Variants in ATF7IP observed in about 807,000 individuals in gnomAD.
ATF7IP encodes activating transcription factor 7-interacting protein 1.
In ATF7IP, 23 loss-of-function variants were observed where a neutral mutation model predicts 106.4. The observed-to-expected ratio is 0.22, with a 90% confidence interval of 0.16 to 0.31. The LOEUF (loss-of-function observed/expected upper bound fraction) is 0.31. Ranked by LOEUF, ATF7IP falls within the 10% of genes least tolerant of loss-of-function variation. The pLI, the probability that ATF7IP is intolerant of heterozygous loss-of-function variation, is 1.00. For synonymous variants in ATF7IP, 542 were observed against 539.0 expected (o/e 1.01, Z -0.08); for missense variants, 1,334 against 1,524.3 (o/e 0.88, Z 2.08).
intron 1 of ATF7IP, among the ~76,000 whole-genome samples, chr12:14,422,478 A>C (rs1262369410): frequency 6.6e-6 from 1 of 152,190 alleles, no homozygotes; most frequent in Non-Finnish European, 1.5e-5. Context: ...GAGCTGTATA[A>C]TCATCACCAT....
chr12:14,368,018 T>C (rs1255014471), intron 1 of ATF7IP, among the ~76,000 whole-genome samples: 3 of 152,120 alleles, frequency 2.0e-5, no homozygotes, highest in Admixed American at 6.5e-5. Flanking sequence ...TTTAAAAATT[T>C]ATATGTAGTT....
intron 5 of ATF7IP, among the ~76,000 whole-genome samples, chr12:14,444,397 A>G (rs979203084): frequency 1.3e-5 from 2 of 152,078 alleles, no homozygotes; most frequent in East Asian, 1.9e-4. Flanking sequence ...TTTTGTAGAC[A>G]GAGTTATTTC....
rs757033934 is a variant in ATF7IP, at chr12:14,460,693, A to G, written c.2357A>G (p.His786Arg). ...TTACAGCCTTTGCCAGTGATTTTGC[A>G]TGTACCTGTTGCAGTATCCTCCCAG... Reference protein sequence around the residue: ...ISLQPLPVILHVPVAVSSQPQ... With the variant: ...ISLQPLPVILRVPVAVSSQPQ... The change falls in exon 9 of 15, where the codon CAT becomes CGT. Residue 786 changes from histidine (H) to arginine (R), a missense_variant. Physicochemically the swap from His to Arg is conservative, Grantham distance 29. Transcript: ENST00000261168. 5.0e-6 allele frequency: 8 copies of G among 1,614,096 alleles called. No homozygotes were observed. The highest frequency in any genetic ancestry group is 1.7e-5 in the Admixed American group (1 of 60,002).
At chr12:14,453,654 C>G (rs1003069403) in intron 6 of ATF7IP, among the ~76,000 whole-genome samples, 7 of 149,226 alleles carry the variant, frequency 4.7e-5, no homozygotes, top group Non-Finnish European at 1.0e-4. Context: ...GAAGGAGTTT[C>G]GCTCCTGTCG....
At chr12:14,471,009 ATGTAGTTCCTTGTCATTTCC>A (rs1944021733) in intron 10 of ATF7IP, among the ~76,000 whole-genome samples, 1 of 152,078 alleles carries the variant, frequency 6.6e-6, no homozygotes, top group East Asian at 1.9e-4. Context: ...TTTTTATTTC[ATGTAGTTCCTTGTCATTTCC>A]TTTTGGGTCC....
chr12:14,400,038 GC>G (rs540316329), intron 1 of ATF7IP, among the ~76,000 whole-genome samples: 109 of 151,942 alleles, frequency 7.2e-4, no homozygotes, highest in African/African-American at 2.3e-3. Context: ...TGTGACTGCT[GC>G]CCTGGTTTAG....
At chr12:14,480,591 CTT>C (rs1459152798) in intron 12 of ATF7IP, among the ~76,000 whole-genome samples, 2 of 152,142 alleles carry the variant, frequency 1.3e-5, no homozygotes, top group Admixed American at 6.5e-5. Flanking sequence ...CAAAAATACT[CTT>C]TTGGATTTAC....
chr12:14,378,892 A>G (rs536581540), intron 1 of ATF7IP, among the ~76,000 whole-genome samples: 31 of 152,330 alleles, frequency 2.0e-4, no homozygotes, highest in African/African-American at 7.0e-4. Flanking sequence ...CTTAATTTAT[A>G]AGACACAATT....
At chr12:14,394,492 A>G (rs193195309) in intron 1 of ATF7IP, among the ~76,000 whole-genome samples, 3 of 152,316 alleles carry the variant, frequency 2.0e-5, no homozygotes, top group Non-Finnish European at 4.4e-5. Context: ...ACCAGTCAGT[A>G]CATGTTGGGG....
At chr12:14,448,060 ATT>A (rs112911012) in intron 6 of ATF7IP, among the ~76,000 whole-genome samples, 4 of 151,314 alleles carry the variant, frequency 2.6e-5, no homozygotes, top group African/African-American at 9.7e-5. Flanking sequence ...TTCCTCCTGA[ATT>A]TTTTTTGTTT....
intron 1 of ATF7IP, among the ~76,000 whole-genome samples, chr12:14,401,714 CTTTTT>C (rs3083699): frequency 1.3e-5 from 1 of 76,876 alleles, no homozygotes; most frequent in Non-Finnish European, 2.4e-5. Flanking sequence ...AGAGATTAAG[CTTTTT>C]TTTTTTTTTT....
In ATF7IP at chr12:14,501,459, C is replaced by T. The variant is rs1338140422; in HGVS notation, c.*3386C>T. The T allele has an allele frequency of 2.0e-5, 3 of 152,252 alleles. No individual in the cohort carries two copies. The East Asian group carries it at 5.8e-4, about 29-fold the overall frequency. The allele number at this position is 152,252 out of a possible 1,614,324, so 9.4% of individuals were successfully genotyped here. On this transcript the variant is annotated 3_prime_UTR_variant, in exon 15 of 15. Coordinates refer to ENST00000261168, the MANE Select transcript of ATF7IP (RefSeq NM_018179.5). ...GTGTGAGTAAGCCTCTTCTAAAAAT[C>T]TTGTTCTTGCCAAGAAATTTATAAA... is the stretch of plus-strand genomic sequence containing the variant.
At chr12:14,484,058 A>C (rs1047045444) in intron 13 of ATF7IP, among the ~76,000 whole-genome samples, 13 of 152,094 alleles carry the variant, frequency 8.5e-5, no homozygotes, top group African/African-American at 2.7e-4. Flanking sequence ...CCTTTCCATG[A>C]TGGAAGAGGT....
intron 1 of ATF7IP, among the ~76,000 whole-genome samples, chr12:14,414,842 T>C (rs1188345735): frequency 2.6e-5 from 4 of 152,208 alleles, no homozygotes. Context: ...AGGATTTACA[T>C]CTTTCAGCTC....
chr12:14,442,077 C>A (rs1942739269), intron 5 of ATF7IP, among the ~76,000 whole-genome samples: 1 of 152,098 alleles, frequency 6.6e-6, no homozygotes, highest in South Asian at 2.1e-4. Flanking sequence ...ATATCTGATA[C>A]CTTTTTTGTT....
At chr12:14,371,727 T>A (rs1346685024) in intron 1 of ATF7IP, among the ~76,000 whole-genome samples, 1 of 152,166 alleles carries the variant, frequency 6.6e-6, no homozygotes, top group Non-Finnish European at 1.5e-5. Flanking sequence ...GATGATTTTA[T>A]TAATGATTCT....
At chr12:14,407,309 A>G (rs1042902806) in intron 1 of ATF7IP, among the ~76,000 whole-genome samples, 1 of 152,182 alleles carries the variant, frequency 6.6e-6, no homozygotes, top group Non-Finnish European at 1.5e-5. Context: ...TGGCTGTCAA[A>G]CCAGCCATTC....
intron 1 of ATF7IP, among the ~76,000 whole-genome samples, chr12:14,407,288 T>G (rs368115731): frequency 6.6e-6 from 1 of 152,234 alleles, no homozygotes; most frequent in Non-Finnish European, 1.5e-5. Flanking sequence ...AGCATTGGTT[T>G]TAACATGACT....
intron 1 of ATF7IP, among the ~76,000 whole-genome samples, chr12:14,399,876 G>A (rs918147577): frequency 6.6e-6 from 1 of 152,150 alleles, no homozygotes; most frequent in Admixed American, 6.5e-5. Context: ...TACTTTGGCT[G>A]GATGCTGATG....
Sources: allele counts gnomAD v4.1 joint callset (sites outside exome capture counted in the v4.1 genomes callset), GRCh38; gene constraint gnomAD v4.1.1; transcripts MANE v1.5; gene names NCBI Gene and HGNC (gene_info 2026-07-23, HGNC 2026-07-21).